AHI1: variants seen among roughly 807,000 people sequenced by gnomAD.
The protein encoded by AHI1 is jouberin.
AHI1 carries 123 observed loss-of-function variants against 149.3 expected under a neutral mutation model. The observed-to-expected ratio is 0.82, with a 90% CI of 0.71 to 0.96. AHI1 has a LOEUF of 0.96. AHI1 is among the 40% of genes least tolerant of loss of function. The pLI, the probability that AHI1 is intolerant of heterozygous loss-of-function variation, is 0.00. For missense variants in AHI1, 1,439 were observed against 1,422.7 expected, an observed-to-expected ratio of 1.01 and a Z score of -0.18; for synonymous variants, 475 against 459.8, an observed-to-expected ratio of 1.03 and a Z score of -0.42.
Position 135,490,612 on chromosome 6 carries a change from C to G in AHI1, c.135+11G>C, listed in dbSNP as rs1250596427. ...ATGTAAATCACTATTACCCAATGAT[C>G]ATTTACTTACTGAGATGTTTTCTTC... is the stretch of plus-strand genomic sequence containing the variant. On this transcript the variant is annotated intron_variant, in intron 5 of 28. Transcript: ENST00000265602. 6.2e-7 allele frequency: 1 copy of G among 1,613,448 alleles called. No homozygotes were observed. The highest frequency in any genetic ancestry group is 1.7e-5 in the Admixed American group (1 of 60,014).
At chr6:135,297,601 T>TATC in intron 27 of AHI1, 1 of 443,182 alleles carries the variant, frequency 2.3e-6, no homozygotes, top group Non-Finnish European at 4.5e-6. Context: ...GCTTCTTTAA[T>TATC]ATCTCTCAAT....
intron 20 of AHI1, among the ~76,000 whole-genome samples, chr6:135,416,553 A>C (rs1439206918): frequency 2.0e-5 from 3 of 152,056 alleles, no homozygotes; most frequent in Admixed American, 2.0e-4. Flanking sequence ...TTAGCCACTA[A>C]AATTATGTAT....
chr6:135,283,571 T>C lies in AHI1; in HGVS notation c.*2074A>G, dbSNP rs1376661037. On this transcript the variant is annotated 3_prime_UTR_variant, in exon 29 of 29. Coordinates refer to ENST00000265602, the MANE Select transcript of AHI1 (RefSeq NM_001134831.2). The stretch of plus-strand genomic sequence containing the variant: ...ATGTTTAATGCCGTACATCATCAAA[T>C]GGATTCTGGTGTCTGATTTTCTGCT... The C allele has an allele frequency of 6.6e-6, 1 of 152,226 alleles. No individual in the cohort carries two copies. The highest frequency in any genetic ancestry group is 1.5e-5 in the Non-Finnish European group (1 of 68,038). The allele number at this position is 152,226 out of a possible 1,614,324, so 9.4% of individuals were successfully genotyped here. A position where few individuals can be genotyped will look rare whatever the true frequency, so the allele number is the denominator to read the frequency against.
At chr6:135,443,537 G>T (rs1315772029) in intron 13 of AHI1, among the ~76,000 whole-genome samples, 1 of 152,126 alleles carries the variant, frequency 6.6e-6, no homozygotes, top group African/African-American at 2.4e-5. Flanking sequence ...CTAGCTAAGA[G>T]TAACCATTAT....
intron 5 of AHI1, among the ~76,000 whole-genome samples, chr6:135,479,181 T>TGGGGCACTGCCTA (rs920131727): frequency 1.3e-5 from 2 of 152,236 alleles, no homozygotes; most frequent in Non-Finnish European, 2.9e-5. Flanking sequence ...CAGTCTCCAC[T>TGGGGCACTGCCTA]GGGGCACTGC....
At chr6:135,289,261 T>C in intron 28 of AHI1, among the ~76,000 whole-genome samples, 1 of 151,862 alleles carries the variant, frequency 6.6e-6, no homozygotes, top group African/African-American at 2.4e-5. Context: ...TTTGGGAGGC[T>C]GAGGCAGGTG....
intron 27 of AHI1, among the ~76,000 whole-genome samples, chr6:135,291,162 G>T (rs566019415): frequency 6.6e-6 from 1 of 152,124 alleles, no homozygotes; most frequent in South Asian, 2.1e-4. Context: ...AAGGAAAACT[G>T]AAGAATGGAA....
intron 26 of AHI1, among the ~76,000 whole-genome samples, chr6:135,304,178 T>C (rs943306171): frequency 1.3e-5 from 2 of 152,150 alleles, no homozygotes; most frequent in Non-Finnish European, 1.5e-5. Flanking sequence ...CCTCAGTCTC[T>C]TGAGTAGCTG....
At chr6:135,348,507 A>C (rs1791593767) in intron 24 of AHI1, among the ~76,000 whole-genome samples, 1 of 152,164 alleles carries the variant, frequency 6.6e-6, no homozygotes. Context: ...AGCACAATAA[A>C]CACTGAAATT....
At chr6:135,326,261 T>G (rs1366260730) in intron 24 of AHI1, among the ~76,000 whole-genome samples, 1 of 151,874 alleles carries the variant, frequency 6.6e-6, no homozygotes, top group Non-Finnish European at 1.5e-5. Context: ...ATCATAGGGG[T>G]GGGGCCTGGA....
At chr6:135,352,131 T>G (rs1792208956) in intron 24 of AHI1, among the ~76,000 whole-genome samples, 1 of 152,202 alleles carries the variant, frequency 6.6e-6, no homozygotes, top group Non-Finnish European at 1.5e-5. Context: ...TCAGTTACCT[T>G]CTTCCTAACG....
At chr6:135,493,159 C>A (rs1420204417) in intron 3 of AHI1, 2 of 165,430 alleles carry the variant, frequency 1.2e-5, no homozygotes, top group Non-Finnish European at 2.5e-5. Flanking sequence ...CCACCACACC[C>A]AGCTAATTTT....
At chr6:135,341,124 A>G (rs371018732) in intron 24 of AHI1, among the ~76,000 whole-genome samples, 46 of 152,260 alleles carry the variant, frequency 3.0e-4, no homozygotes, top group African/African-American at 1.1e-3. Context: ...CAGTAATTTC[A>G]CTAAGTGTAA....
chr6:135,340,349 C>T (rs890260823), intron 24 of AHI1, among the ~76,000 whole-genome samples: 14 of 149,766 alleles, frequency 9.3e-5, no homozygotes, highest in Non-Finnish European at 1.2e-4. Context: ...CCATCCTGGG[C>T]GACAGAGCGA....
chr6:135,319,722 C>G (rs763387499), intron 25 of AHI1, among the ~76,000 whole-genome samples: 1 of 152,154 alleles, frequency 6.6e-6, no homozygotes, highest in Admixed American at 6.5e-5. Flanking sequence ...CTGAGATATA[C>G]TTGATCAAAA....
chr6:135,424,132 A>G (rs1000210045), intron 20 of AHI1, among the ~76,000 whole-genome samples: 4 of 152,080 alleles, frequency 2.6e-5, no homozygotes, highest in African/African-American at 9.6e-5. Context: ...TTTAGAAACT[A>G]GTATTTCAAG....
intron 23 of AHI1, among the ~76,000 whole-genome samples, chr6:135,379,012 C>T (rs1228301955): frequency 6.6e-6 from 1 of 152,142 alleles, no homozygotes; most frequent in East Asian, 1.9e-4. Context: ...CCAATGACTC[C>T]TTCATCTATA....
At chr6:135,494,934 T>G (rs1307265106) in intron 3 of AHI1, among the ~76,000 whole-genome samples, 1 of 152,070 alleles carries the variant, frequency 6.6e-6, no homozygotes, top group African/African-American at 2.4e-5. Context: ...AATCTGCAAG[T>G]AGGAAGTCAC....
At chr6:135,485,727 T>G (rs1266353811) in intron 5 of AHI1, among the ~76,000 whole-genome samples, 1 of 152,220 alleles carries the variant, frequency 6.6e-6, no homozygotes, top group East Asian at 1.9e-4. Context: ...CTTATTTTGT[T>G]CACACAGGTT....
Sources: allele counts gnomAD v4.1 joint callset (sites outside exome capture counted in the v4.1 genomes callset), GRCh38; gene constraint gnomAD v4.1.1; transcripts MANE v1.5; gene names NCBI Gene and HGNC (gene_info 2026-07-23, HGNC 2026-07-21).